The following EFCAB6 variants were observed in gnomAD, a reference collection of about 807,000 sequenced individuals.
EFCAB6 encodes EF-hand calcium-binding domain-containing protein 6.
EFCAB6 carries 156 observed loss-of-function variants against 169.8 expected under a neutral mutation model. The observed-to-expected ratio is 0.92, with a 90% CI of 0.81 to 1.05. The LOEUF is 1.05. EFCAB6 is among the 50% of genes least tolerant of loss of function. EFCAB6 has a pLI of 0.00. For synonymous variants in EFCAB6, 698 were observed against 676.4 expected (o/e 1.03, Z -0.50); for missense variants, 1,800 against 1,829.1 (o/e 0.98, Z 0.29).
intron 27 of EFCAB6, among the ~76,000 whole-genome samples, chr22:43,545,993 G>A (rs545343523): frequency 6.6e-6 from 1 of 152,222 alleles, no homozygotes; most frequent in South Asian, 2.1e-4. Flanking sequence ...GCAAAAACAA[G>A]CTAAGACAGA....
Position 43,706,967 on chromosome 22 carries a change from G to A in EFCAB6, c.1031+4508C>T, listed in dbSNP as rs539348824. On this transcript the variant is annotated intron_variant, in intron 10 of 31. Transcript: ENST00000262726. The stretch of plus-strand genomic sequence containing the variant: ...AATTCAGAGCTGAAGTGGAAACCAA[G>A]AAAGGGAAATCCATAGGTATTAGGA... Among the ~76,000 whole-genome samples, 5 of 152,328 alleles carry A rather than the reference G, an allele frequency of 3.3e-5. No individual in the cohort carries two copies. The South Asian group carries it at 6.2e-4, about 19-fold the overall frequency.
intron 2 of EFCAB6, among the ~76,000 whole-genome samples, chr22:43,786,876 T>C (rs190872561): frequency 1.1e-4 from 17 of 152,190 alleles, no homozygotes; most frequent in Admixed American, 3.3e-4. Context: ...AAGCAAAATT[T>C]ATGCTAGGAA....
At chr22:43,606,108 C>A (rs1313014526) in intron 22 of EFCAB6, among the ~76,000 whole-genome samples, 2 of 152,214 alleles carry the variant, frequency 1.3e-5, no homozygotes, top group Non-Finnish European at 2.9e-5. Context: ...AGCCCAAGAA[C>A]TGGACTTTTC....
intron 23 of EFCAB6, among the ~76,000 whole-genome samples, chr22:43,591,664 C>T (rs148313887): frequency 1.5e-3 from 227 of 152,154 alleles, no homozygotes; most frequent in African/African-American, 5.2e-3. Flanking sequence ...CAAGACTGGA[C>T]CTTACACTCA....
At chr22:43,601,693 T>C (rs940966645) in intron 22 of EFCAB6, among the ~76,000 whole-genome samples, 1 of 152,232 alleles carries the variant, frequency 6.6e-6, no homozygotes, top group Non-Finnish European at 1.5e-5. Flanking sequence ...CACGTTCTTG[T>C]CCTCAAGGGG....
At chr22:43,738,543 G>A (rs961604231) in intron 6 of EFCAB6, among the ~76,000 whole-genome samples, 1 of 149,644 alleles carries the variant, frequency 6.7e-6, no homozygotes, top group Non-Finnish European at 1.5e-5. Flanking sequence ...ACACACACCT[G>A]TGCATATACT....
intron 17 of EFCAB6, 41 bp downstream of exon 17, chr22:43,667,063 A>C (rs1263167841): frequency 2.5e-6 from 4 of 1,587,168 alleles, no homozygotes; most frequent in Non-Finnish European, 3.4e-6. Context: ...AAACAGCTGA[A>C]CTTCTGCAGG....
chr22:43,730,810 C>T (rs776753767), intron 8 of EFCAB6, among the ~76,000 whole-genome samples: 3 of 152,100 alleles, frequency 2.0e-5, no homozygotes, highest in African/African-American at 4.8e-5. Context: ...CAGGAGGCTT[C>T]GAAAACTAGA....
At chr22:43,649,667 G>T (rs80218894) in intron 17 of EFCAB6, among the ~76,000 whole-genome samples, 2,876 of 152,236 alleles carry the variant, frequency 0.019, 92 homozygotes, top group African/African-American at 0.066. Flanking sequence ...TGTTCTGCTT[G>T]TTGGAATATC....
chr22:43,631,480 C>A (rs2054939161), intron 19 of EFCAB6, among the ~76,000 whole-genome samples: 1 of 152,054 alleles, frequency 6.6e-6, no homozygotes, highest in South Asian at 2.1e-4. Context: ...CAGGCTGCCT[C>A]ATCTATGGCT....
intron 8 of EFCAB6, among the ~76,000 whole-genome samples, chr22:43,726,094 C>T (rs914972119): frequency 6.6e-6 from 1 of 151,898 alleles, no homozygotes; most frequent in Admixed American, 6.6e-5. Context: ...AAATCAAAGA[C>T]GCCTTTCATT....
intron 27 of EFCAB6, among the ~76,000 whole-genome samples, chr22:43,542,392 C>T (rs2047788109): frequency 6.6e-6 from 1 of 152,152 alleles, no homozygotes; most frequent in Admixed American, 6.5e-5. Flanking sequence ...CCAGCCTGGC[C>T]AACATGGTGA....
intron 27 of EFCAB6, chr22:43,552,717 T>G (rs138453593): frequency 6.6e-6 from 1 of 152,316 alleles, no homozygotes; most frequent in African/African-American, 2.4e-5. Flanking sequence ...CAATTAAAAT[T>G]GAATTCTCTG....
chr22:43,726,077 T>C (rs943821173), intron 8 of EFCAB6, among the ~76,000 whole-genome samples: 6 of 152,046 alleles, frequency 3.9e-5, no homozygotes, highest in African/African-American at 1.2e-4. Flanking sequence ...ATAGCTTACA[T>C]TGGATCAAAT....
At chr22:43,632,047 G>A (rs1602749426) in intron 19 of EFCAB6, 58 bp downstream of exon 19, 3 of 1,592,716 alleles carry the variant, frequency 1.9e-6, no homozygotes, top group East Asian at 2.2e-5. Flanking sequence ...CACTTGGGCT[G>A]CGTGGTTGGG....
At chr22:43,737,519 G>A (rs2060188684) in intron 6 of EFCAB6, among the ~76,000 whole-genome samples, 1 of 144,784 alleles carries the variant, frequency 6.9e-6, no homozygotes, top group Non-Finnish European at 1.5e-5. Flanking sequence ...ACAGATACAT[G>A]CACACACACC....
chr22:43,700,935 T>G lies in EFCAB6; in HGVS notation c.1031+10540A>C, dbSNP rs1162902591. Among the ~76,000 whole-genome samples, 4 of 152,346 alleles carry G rather than the reference T, an allele frequency of 2.6e-5. No homozygotes were observed. The East Asian group carries it at 7.7e-4, about 29-fold the overall frequency. Reference sequence around the variant, plus strand: ...GAGAGCTACTATAAATATTTGTGCATGGGTTTTTAAATGAACTCTTAAATA... The same window carrying G: ...GAGAGCTACTATAAATATTTGTGCAGGGGTTTTTAAATGAACTCTTAAATA... On this transcript the variant is annotated intron_variant, in intron 10 of 31. Coordinates refer to ENST00000262726, the MANE Select transcript of EFCAB6 (RefSeq NM_022785.4).
intron 27 of EFCAB6, among the ~76,000 whole-genome samples, chr22:43,551,391 C>T (rs2048367348): frequency 6.6e-6 from 1 of 152,216 alleles, no homozygotes; most frequent in African/African-American, 2.4e-5. Context: ...ACGGTCTTTA[C>T]TTTCAATGGC....
chr22:43,756,422 C>T (rs2060961459), intron 5 of EFCAB6, among the ~76,000 whole-genome samples: 1 of 152,134 alleles, frequency 6.6e-6, no homozygotes, highest in South Asian at 2.1e-4. Context: ...CTATACCGTC[C>T]CTGGGTTCCA....
Sources: gnomAD v4.1 joint callset for allele counts (sites outside exome capture counted in the v4.1 genomes callset) on GRCh38, gnomAD v4.1.1 for gene constraint, MANE v1.5 for transcripts, NCBI Gene and HGNC (gene_info 2026-07-23, HGNC 2026-07-21) for gene names.